The following YLPM1 variants were observed in gnomAD, a reference collection of about 807,000 sequenced individuals.
YLPM1 encodes YLP motif-containing protein 1.
A neutral mutation model predicts 230.0 loss-of-function variants in YLPM1; 99 were observed. That is an observed-to-expected ratio of 0.43 (90% CI 0.37 to 0.51). YLPM1 has a LOEUF of 0.51. YLPM1 is among the 20% of genes least tolerant of loss of function. The probability of loss-of-function intolerance (pLI) is 0.00; values close to 1 mark genes in which losing one functional copy is unlikely to be tolerated. For missense variants in YLPM1, 2,592 were observed against 2,707.7 expected (o/e 0.96, Z 0.95); for synonymous variants, 984 against 942.5 (o/e 1.04, Z -0.81).
intron 19 of YLPM1, among the ~76,000 whole-genome samples, chr14:74,831,824 A>T (rs984961642): frequency 6.6e-6 from 1 of 152,174 alleles, no homozygotes; most frequent in Non-Finnish European, 1.5e-5. Context: ...CAGATATCAG[A>T]TGGGTTCTTG....
intron 1 of YLPM1, among the ~76,000 whole-genome samples, chr14:74,770,660 G>A (rs1301527219): frequency 6.6e-6 from 1 of 152,054 alleles, no homozygotes. Flanking sequence ...AAATTAACCA[G>A]AAGTTAGAAT....
chr14:74,815,603 C>T (rs2091471770), intron 11 of YLPM1, among the ~76,000 whole-genome samples: 1 of 151,972 alleles, frequency 6.6e-6, no homozygotes, highest in Non-Finnish European at 1.5e-5. Context: ...GAACCACTGC[C>T]ACCGTTTGGT....
chr14:74,819,205 T>C (rs1242967174), intron 16 of YLPM1, among the ~76,000 whole-genome samples: 1 of 152,084 alleles, frequency 6.6e-6, no homozygotes, highest in African/African-American at 2.4e-5. Context: ...AAGGAAAAAT[T>C]TTCTATTTTT....
intron 1 of YLPM1, among the ~76,000 whole-genome samples, chr14:74,776,341 T>A (rs1396277930): frequency 1.3e-5 from 2 of 152,210 alleles, no homozygotes; most frequent in Admixed American, 6.5e-5. Flanking sequence ...ATAGCCTTGT[T>A]TATGTGTGTT....
At chr14:74,772,242 G>A (rs2090984687) in intron 1 of YLPM1, among the ~76,000 whole-genome samples, 1 of 149,514 alleles carries the variant, frequency 6.7e-6, no homozygotes, top group African/African-American at 2.5e-5. Context: ...TTCTCAGAGA[G>A]ATGGGATCTT....
chr14:74,765,904 T>G (rs572180302), intron 1 of YLPM1, among the ~76,000 whole-genome samples: 1 of 152,354 alleles, frequency 6.6e-6, no homozygotes, highest in East Asian at 1.9e-4. Flanking sequence ...AGACTTGTGG[T>G]GCACATAGAC....
At chr14:74,776,666 G>A (rs886158701) in intron 1 of YLPM1, among the ~76,000 whole-genome samples, 4 of 152,108 alleles carry the variant, frequency 2.6e-5, no homozygotes, top group African/African-American at 4.8e-5. Context: ...ACTTCATCTC[G>A]GCTGGGAATG....
At chr14:74,809,107 G>GTT (rs561137969) in intron 6 of YLPM1, among the ~76,000 whole-genome samples, 3 of 142,282 alleles carry the variant, frequency 2.1e-5, no homozygotes, top group Admixed American at 7.0e-5. Context: ...TTTGGCCATA[G>GTT]TTTTTTTTTT....
In YLPM1 at chr14:74,781,895, G is replaced by A; in HGVS notation, c.1852G>A (p.Val618Ile). Reference protein sequence around the residue: ...PSLSSTAPPPVMPLPPLSSAT... With the variant: ...PSLSSTAPPPIMPLPPLSSAT... ...TCTCTCTTCAACAGCACCTCCACCT[G>A]TCATGCCCCTCCCACCATTGTCTTC... The change falls in exon 4 of 21, where the codon GTC (valine) becomes ATC (isoleucine). Residue 618 changes from valine (V) to isoleucine (I), a missense_variant. Val to Ile is a conservative substitution (Grantham distance 29). Transcript: ENST00000325680. 1.9e-6 allele frequency: 3 copies of A among 1,613,190 alleles called. No individual in the cohort carries two copies. Among genetic ancestry groups the A allele is most frequent in the Non-Finnish European group, 2.5e-6 (3 of 1,179,742 alleles).
chr14:74,810,161 T>C, intron 8 of YLPM1, 64 bp from the exon 9 acceptor site: 1 of 1,554,238 alleles, frequency 6.4e-7, no homozygotes, highest in Non-Finnish European at 8.7e-7. Context: ...AAGTTAGATT[T>C]ATAGTTTTCT....
intron 17 of YLPM1, among the ~76,000 whole-genome samples, chr14:74,823,198 T>C (rs923984563): frequency 1.3e-5 from 2 of 152,242 alleles, no homozygotes; most frequent in East Asian, 3.9e-4. Context: ...ATCTTCAAAA[T>C]GCTTTGTGAC....
intron 2 of YLPM1, among the ~76,000 whole-genome samples, chr14:74,779,533 G>A (rs1373976831): frequency 6.6e-6 from 1 of 152,092 alleles, no homozygotes; most frequent in Non-Finnish European, 1.5e-5. Context: ...AGCCTTATAT[G>A]AAGGGTTTAA....
Position 74,829,204 on chromosome 14 carries a change from G to T in YLPM1, c.6164-9G>T, listed in dbSNP as rs767612192. 1.1e-5 allele frequency: 17 copies of T among 1,612,548 alleles called. No homozygotes were observed. The highest frequency in any genetic ancestry group is 9.3e-6 in the Non-Finnish European group (11 of 1,179,050). On this transcript the variant is annotated splice_polypyrimidine_tract_variant and intron_variant, in intron 18 of 20. Transcript: ENST00000325680. ...TCCTTAATGCTACGGCTCTGTGTTTGTCCCTCAGACAAGTTGGATGGCTTG... is the reference window on the plus strand; with the variant it reads ...TCCTTAATGCTACGGCTCTGTGTTTTTCCCTCAGACAAGTTGGATGGCTTG...
intron 4 of YLPM1, among the ~76,000 whole-genome samples, chr14:74,786,369 A>ATACAG: frequency 6.6e-6 from 1 of 151,380 alleles, no homozygotes. Flanking sequence ...CTCAAAAAAA[A>ATACAG]AAAAAAAAAA....
intron 4 of YLPM1, among the ~76,000 whole-genome samples, chr14:74,786,017 CAG>C (rs1178678036): frequency 6.6e-6 from 1 of 151,808 alleles, no homozygotes; most frequent in Non-Finnish European, 1.5e-5. Flanking sequence ...TGAAACGTAA[CAG>C]AGAAGTGCAC....
intron 2 of YLPM1, among the ~76,000 whole-genome samples, chr14:74,779,835 G>A (rs1014033616): frequency 7.5e-6 from 1 of 134,034 alleles, no homozygotes; most frequent in Non-Finnish European, 1.6e-5. Flanking sequence ...ATGGAGTCTT[G>A]CTCTGTCGCC....
intron 1 of YLPM1, among the ~76,000 whole-genome samples, chr14:74,777,038 A>G (rs2091047861): frequency 2.0e-5 from 3 of 152,126 alleles, no homozygotes; most frequent in African/African-American, 7.2e-5. Context: ...CCTGGGTGAC[A>G]GAGGGAGATG....
In YLPM1 at chr14:74,774,567, G is replaced by A. The variant is rs2091013573; in HGVS notation, c.874-3880G>A. On this transcript the variant is annotated intron_variant, in intron 1 of 20. Transcript: ENST00000325680. ...ACTACAGGTGCCTGCCACCATGCCA[G>A]GTTAATTTTTTTATATTTTTAGGAG... Among the ~76,000 whole-genome samples, 3 of 152,166 alleles carry A rather than the reference G, an allele frequency of 2.0e-5. No homozygotes were observed. In the South Asian group the frequency reaches 6.2e-4, roughly 31 times the overall value.
At chr14:74,803,905 C>T (rs1376305038) in intron 6 of YLPM1, among the ~76,000 whole-genome samples, 1 of 152,132 alleles carries the variant, frequency 6.6e-6, no homozygotes, top group Non-Finnish European at 1.5e-5. Context: ...CACCTGTAAT[C>T]CCAGCACTTT....
Sources: gnomAD v4.1 joint callset for allele counts (sites outside exome capture counted in the v4.1 genomes callset) on GRCh38, gnomAD v4.1.1 for gene constraint, MANE v1.5 for transcripts, NCBI Gene and HGNC (gene_info 2026-07-23, HGNC 2026-07-21) for gene names.